STRIP1: variants seen among roughly 807,000 people sequenced by gnomAD.
The protein encoded by STRIP1 is striatin-interacting protein 1.
STRIP1 carries 63 observed loss-of-function variants against 106.2 expected under a neutral mutation model. That is an observed-to-expected ratio of 0.59 (90% CI 0.48 to 0.73). STRIP1 has a LOEUF of 0.73. Among genes scored for constraint, STRIP1 ranks in the 30% least tolerant of loss-of-function variants. The pLI is 0.00. For synonymous variants in STRIP1, 390 were observed against 413.0 expected, an observed-to-expected ratio of 0.94 and a Z score of 0.67; for missense variants, 857 against 1,074.8, an observed-to-expected ratio of 0.80 and a Z score of 2.83.
chr1:110,033,115 T>C (rs1026256313), upstream of STRIP1, among the ~76,000 whole-genome samples: 2 of 152,208 alleles, frequency 1.3e-5, no homozygotes, highest in East Asian at 1.9e-4. Flanking sequence ...TCCTGGAACT[T>C]TGCAGGGCTT....
Position 110,050,970 on chromosome 1 carries a change from T to G in STRIP1, c.1971T>G (p.Ser657Arg). The part of the protein sequence containing the change: ...LTAESLEAGD[S>R]NQFCWRNLFS... ...TTACCCTGCAGGAAGCAGGTGACAGTAACCAATTTTGCTGGAGGAACCTCT... is the reference window on the plus strand; with the variant it reads ...TTACCCTGCAGGAAGCAGGTGACAGGAACCAATTTTGCTGGAGGAACCTCT... The change falls in exon 19 of 21, where the codon AGT becomes AGG. Residue 657 changes from serine (S) to arginine (R), a missense_variant. Around this residue, in one of 2 missense-constraint regions of STRIP1, gnomAD observed 750 missense variants for 989.8 expected, o/e 0.76. Coordinates refer to ENST00000369795, the MANE Select transcript of STRIP1 (RefSeq NM_033088.4). 1.2e-6 allele frequency: 2 copies of G among 1,610,964 alleles called. No individual in the cohort carries two copies. Among genetic ancestry groups the G allele is most frequent in the Non-Finnish European group, 1.7e-6 (2 of 1,177,086 alleles).
chr1:110,033,349 C>T (rs1006805549), upstream of STRIP1, among the ~76,000 whole-genome samples: 4 of 152,190 alleles, frequency 2.6e-5, no homozygotes, highest in South Asian at 4.2e-4. Flanking sequence ...TAGGACTAAC[C>T]GTTTGGGCTT....
Position 110,043,807 on chromosome 1 carries a change from A to C in STRIP1, c.1237A>C (p.Thr413Pro). The C allele has an allele frequency of 3.7e-6, 6 of 1,614,164 alleles. No individual in the cohort carries two copies. The highest frequency in any genetic ancestry group is 5.1e-6 in the Non-Finnish European group (6 of 1,180,020). Residue 413 changes from threonine to proline, a missense_variant, in exon 10 of 21, where the codon ACT becomes CCT. Physicochemically the swap from Thr to Pro is conservative, Grantham distance 38 (BLOSUM62 -1). Transcript: ENST00000369795. ...GCCTCCCCCGCTACAGCACCCACAGACTGACAGGCTGACTTGCCCCAAAGG... is the reference window on the plus strand; with the variant it reads ...GCCTCCCCCGCTACAGCACCCACAGCCTGACAGGCTGACTTGCCCCAAAGG... ...VMPPPLQHPQ[T>P]DRLTCPKGLP...
intron 17 of STRIP1, 33 bp from the exon 18 acceptor site, chr1:110,050,310 A>T (rs1311073631): frequency 6.2e-7 from 1 of 1,612,174 alleles, no homozygotes; most frequent in Admixed American, 1.7e-5. Flanking sequence ...GCCTTTGCTC[A>T]TGGTGGGCAT....
In STRIP1 at chr1:110,049,112, C is replaced by T; in HGVS notation, c.1662C>T (p.Pro554=). The part of the protein sequence containing the change: ...ILADVLPEEM[P]TTVLQSMKLG... ...CTTACCCAGGCAATTATGTTTCCAG[C>T]ACCACAGTGTTGCAGAGCATGAAGC... Residue 554 remains proline (P), a splice_region_variant and synonymous_variant, in exon 16 of 21, where the codon CCC becomes CCT. Coordinates refer to ENST00000369795, the MANE Select transcript of STRIP1 (RefSeq NM_033088.4). The T allele has an allele frequency of 6.2e-7, 1 of 1,614,150 alleles. No individual in the cohort carries two copies. The highest frequency in any genetic ancestry group is 8.5e-7 in the Non-Finnish European group (1 of 1,180,020).
intron 9 of STRIP1, 150 bp downstream of exon 9, chr1:110,043,420 G>T: frequency 1.0e-6 from 1 of 959,082 alleles, no homozygotes; most frequent in Admixed American, 2.4e-5. Context: ...TTTGTCCCCA[G>T]CTCTGGTCCA....
At chr1:110,038,104 ATATATATATG>A (rs1557787755) in intron 2 of STRIP1, 144 bp downstream of exon 2, 2 of 153,904 alleles carry the variant, frequency 1.3e-5, no homozygotes, top group East Asian at 1.5e-4. Context: ...ATATATATAT[ATATATATATG>A]TATAAAACAT....
intron 20 of STRIP1, among the ~76,000 whole-genome samples, chr1:110,052,679 A>G (rs1186740926): frequency 6.6e-6 from 1 of 152,088 alleles, no homozygotes; most frequent in Non-Finnish European, 1.5e-5. Flanking sequence ...TGTGTTAGCC[A>G]GGCTGGCCTC....
rs141284072 is a variant in STRIP1 at position 110,053,640 on chromosome 1, G to A, written c.2267-25G>A. ...GCTGCTACAGGGCATGGCTCCTAAC[G>A]GTGTTTCTTCCTGCTTTGTCTCAGA... On this transcript the variant is annotated intron_variant, in intron 20 of 20. Coordinates refer to ENST00000369795, the MANE Select transcript of STRIP1 (RefSeq NM_033088.4). 3.6e-4 allele frequency: 582 copies of A among 1,612,690 alleles called. No individual in the cohort carries two copies. The African/African-American group carries it at 6.3e-3, about 18-fold the overall frequency.
At chr1:110,034,180 A>G (rs1652319545), upstream of STRIP1, among the ~76,000 whole-genome samples, 1 of 152,140 alleles carries the variant, frequency 6.6e-6, no homozygotes, top group Non-Finnish European at 1.5e-5. Flanking sequence ...CTTGTTCCTC[A>G]TTTTATCCCA....
chr1:110,037,553 T>C lies in STRIP1; in HGVS notation c.181-338T>C, dbSNP rs868471504. On this transcript the variant is annotated intron_variant, in intron 1 of 20. Coordinates refer to ENST00000369795, the MANE Select transcript of STRIP1 (RefSeq NM_033088.4). ...CTTGTATTTATTCATTTAACAAATA[T>C]GTGTGTATAGACCATTCATTCATTC... is the stretch of plus-strand genomic sequence containing the variant. Among the ~76,000 whole-genome samples, 5 of 152,358 alleles carry C rather than the reference T, an allele frequency of 3.3e-5. No homozygotes were observed. The South Asian group carries it at 1.0e-3, about 32-fold the overall frequency.
chr1:110,041,475 C>T (rs957474054), intron 6 of STRIP1, 61 bp from the exon 7 acceptor site: 1 of 1,185,292 alleles, frequency 8.4e-7, no homozygotes, highest in African/African-American at 1.5e-5. Flanking sequence ...CTTTGTTAGA[C>T]ACTAGGGTGC....
intron 12 of STRIP1, 29 bp from the exon 13 acceptor site, chr1:110,046,651 A>C: frequency 6.2e-7 from 1 of 1,607,736 alleles, no homozygotes; most frequent in South Asian, 1.1e-5. Flanking sequence ...TGTTTTCCCC[A>C]GCCCTTCTTT....
At chr1:110,043,024 C>A in intron 8 of STRIP1, 64 bp from the exon 9 acceptor site, 3 of 1,474,180 alleles carry the variant, frequency 2.0e-6, no homozygotes, top group Non-Finnish European at 2.8e-6. Context: ...GAGCCTGACA[C>A]AATGGTCAGG....
Position 110,051,887 on chromosome 1 carries a change from G to A in STRIP1, c.2266G>A (p.Asp756Asn). 6.2e-7 allele frequency: 1 copy of A among 1,611,984 alleles called. No homozygotes were observed. Among genetic ancestry groups the A allele is most frequent in the Non-Finnish European group, 8.5e-7 (1 of 1,179,838 alleles). The change falls in exon 20 of 21, where the codon GAT (aspartate) becomes AAT (asparagine). Residue 756 changes from aspartate (D) to asparagine (N), a missense_variant and splice_region_variant. Transcript: ENST00000369795. ...RLNDDWAYGN[D>N]LDARPWDFQA... ...GAACGACGACTGGGCATACGGCAATGGTGAGACTCTGCACTCAGCCAGATT... is the reference window on the plus strand; with the variant it reads ...GAACGACGACTGGGCATACGGCAATAGTGAGACTCTGCACTCAGCCAGATT...
At chr1:110,042,082 T>C (rs1342911875) in intron 8 of STRIP1, among the ~76,000 whole-genome samples, 1 of 152,170 alleles carries the variant, frequency 6.6e-6, no homozygotes, top group Non-Finnish European at 1.5e-5. Flanking sequence ...GGCTGTTGGC[T>C]CTCTGACCCC....
intron 13 of STRIP1, among the ~76,000 whole-genome samples, chr1:110,047,056 A>AT (rs1480111983): frequency 2.6e-5 from 4 of 152,080 alleles, no homozygotes; most frequent in Non-Finnish European, 5.9e-5. Flanking sequence ...TCAAAAAAAA[A>AT]AGTTAGAGGT....
At chr1:110,044,811 T>A (rs1016057348) in intron 10 of STRIP1, 29 bp from the exon 11 acceptor site, 3 of 1,611,920 alleles carry the variant, frequency 1.9e-6, no homozygotes, top group Admixed American at 3.3e-5. Context: ...AAACCTTTTT[T>A]CTTTCTCTCT....
chr1:110,051,165 C>T (rs1007750407), intron 19 of STRIP1, 105 bp downstream of exon 19: 9 of 765,646 alleles, frequency 1.2e-5, no homozygotes, highest in Non-Finnish European at 1.6e-5. Context: ...TCTCACTTAA[C>T]TTTGCTGTAG....
Sources: gnomAD v4.1 joint callset for allele counts (sites outside exome capture counted in the v4.1 genomes callset) on GRCh38, gnomAD v4.1.1 for gene constraint, gnomAD v4.1.1 regional missense constraint, MANE v1.5 for transcripts, NCBI Gene and HGNC (gene_info 2026-07-23, HGNC 2026-07-21) for gene names.